Variants in ANK2 observed in about 807,000 individuals in gnomAD.
ANK2 encodes the protein ankyrin 2.
In ANK2, 83 loss-of-function variants were observed where a neutral mutation model predicts 360.5. The ratio of observed to expected loss-of-function variants is 0.23; its 90% CI spans 0.19 to 0.28. The LOEUF (loss-of-function observed/expected upper bound fraction) is 0.28. ANK2 is among the 10% of genes least tolerant of loss of function. The pLI is 1.00. For missense variants in ANK2, 4,201 were observed against 4,795.7 expected (o/e 0.88, Z 3.66); for synonymous variants, 1,740 against 1,759.5 (o/e 0.99, Z 0.28).
chr4:113,357,367 G>A lies in ANK2; in HGVS notation c.8749G>A (p.Asp2917Asn). ...TCCCGTGTCTGACCTAGCTGAGAAT[G>A]ATGAAATCTATGATCCACAAATCAC... ...DVPVSDLAEN[D>N]EIYDPQITSP... Residue 2917 changes from aspartate to asparagine, a missense_variant, in exon 38 of 46, where the codon GAT becomes AAT. This residue lies in a region of ANK2 where 2,642 missense variants were observed against 2,714.5 expected (regional missense o/e 0.97). Transcript: ENST00000357077. The A allele has an allele frequency of 6.2e-7, 1 of 1,614,054 alleles. No individual in the cohort carries two copies. The highest frequency in any genetic ancestry group is 1.3e-5 in the African/African-American group (1 of 75,032).
At chr4:113,019,363 C>A (rs780937925) in intron 2 of ANK2, among the ~76,000 whole-genome samples, 2 of 152,132 alleles carry the variant, frequency 1.3e-5, no homozygotes, top group African/African-American at 2.4e-5. Context: ...CAAGTCAGTT[C>A]TTCTAAGCAA....
intron 2 of ANK2, among the ~76,000 whole-genome samples, chr4:112,938,687 A>G (rs573476661): frequency 1.1e-4 from 17 of 152,224 alleles, no homozygotes; most frequent in Admixed American, 2.6e-4. Flanking sequence ...TCTAGATAGC[A>G]GAGATAAGAA....
intron 1 of ANK2, among the ~76,000 whole-genome samples, chr4:113,076,835 G>GTATTAT (rs1388627318): frequency 6.6e-6 from 1 of 151,458 alleles, no homozygotes; most frequent in Non-Finnish European, 1.5e-5. Flanking sequence ...TAAGACAGCT[G>GTATTAT]TATTATACAA....
At chr4:113,351,566 C>A (rs981126745) in intron 37 of ANK2, among the ~76,000 whole-genome samples, 1 of 151,892 alleles carries the variant, frequency 6.6e-6, no homozygotes, top group Admixed American at 6.6e-5. Context: ...TATCACATTG[C>A]CCTCACTGAT....
chr4:113,367,431 G>T, intron 41 of ANK2, 135 bp from the exon 42 acceptor site: 1 of 805,588 alleles, frequency 1.2e-6, no homozygotes, highest in African/African-American at 1.7e-5. Context: ...CTTCATCTTT[G>T]TAATCCATGG....
At chr4:113,087,146 C>T (rs1372422830) in intron 1 of ANK2, among the ~76,000 whole-genome samples, 1 of 152,166 alleles carries the variant, frequency 6.6e-6, no homozygotes, top group Non-Finnish European at 1.5e-5. Context: ...TAACTAACTG[C>T]ATCAGTGAGA....
intron 4 of ANK2, among the ~76,000 whole-genome samples, chr4:113,202,948 T>C (rs987822995): frequency 4.6e-5 from 7 of 152,190 alleles, no homozygotes; most frequent in African/African-American, 1.7e-4. Context: ...CTGAGCCAGT[T>C]CTTGGTGTGA....
At chr4:112,811,537 A>G in the ANK2 span, among the ~76,000 whole-genome samples, 2,679 of 152,248 alleles carry the variant, frequency 0.018, 92 homozygotes, top group African/African-American at 0.059. Flanking sequence ...AGATCTCTCT[A>G]TTATAAAGTT....
In ANK2 at chr4:113,377,838, T is replaced by C. The variant is rs543397731; in HGVS notation, c.11860-3619T>C. ...GCAGTTGGGTGAAGCAAGGAGGAAATTGAAAGTCAATCCATATGGATGTTG... is the reference window on the plus strand; with the variant it reads ...GCAGTTGGGTGAAGCAAGGAGGAAACTGAAAGTCAATCCATATGGATGTTG... On this transcript the variant is annotated intron_variant, in intron 45 of 45. Transcript: ENST00000357077. Among the ~76,000 whole-genome samples the C allele has an allele frequency of 2.0e-5, 3 of 152,268 alleles. No homozygotes were observed. The South Asian group carries it at 6.2e-4, about 32-fold the overall frequency.
chr4:113,168,591 G>A (rs1052713637), intron 1 of ANK2, among the ~76,000 whole-genome samples: 2 of 152,146 alleles, frequency 1.3e-5, no homozygotes, highest in African/African-American at 4.8e-5. Flanking sequence ...TTGAGCCAGA[G>A]TGTACAAATT....
intron 2 of ANK2, among the ~76,000 whole-genome samples, chr4:112,938,645 C>T (rs1324013973): frequency 1.3e-5 from 2 of 152,106 alleles, no homozygotes; most frequent in Non-Finnish European, 2.9e-5. Flanking sequence ...TTTTATTCGG[C>T]TCAATCAGAC....
intron 1 of ANK2, among the ~76,000 whole-genome samples, chr4:113,141,661 T>TA (rs1283828904): frequency 2.0e-5 from 3 of 152,198 alleles, no homozygotes; most frequent in Admixed American, 6.5e-5. Context: ...TCTATCCCTT[T>TA]AGGTTAAATT....
intron 1 of ANK2, among the ~76,000 whole-genome samples, chr4:113,157,870 A>G (rs1286173427): frequency 6.6e-6 from 1 of 152,230 alleles, no homozygotes; most frequent in Admixed American, 6.5e-5. Context: ...ATTTAACCTT[A>G]TGAGACCTTG....
chr4:113,037,086 G>A (rs1310246747), intron 2 of ANK2, among the ~76,000 whole-genome samples: 2 of 151,842 alleles, frequency 1.3e-5, no homozygotes, highest in African/African-American at 4.8e-5. Context: ...TTCTGACCTG[G>A]GAGTCTCATA....
chr4:112,860,225 A>T (rs76530436), intron 1 of ANK2, among the ~76,000 whole-genome samples: 5 of 152,108 alleles, frequency 3.3e-5, no homozygotes, highest in African/African-American at 1.2e-4. Flanking sequence ...TTTAAAAAAA[A>T]TTCTTTTTTT....
chr4:112,848,477 A>G (rs2063856296), intron 1 of ANK2, among the ~76,000 whole-genome samples: 1 of 152,172 alleles, frequency 6.6e-6, no homozygotes, highest in South Asian at 2.1e-4. Flanking sequence ...AATGGATTTA[A>G]AAAGAGAATT....
intron 34 of ANK2, among the ~76,000 whole-genome samples, chr4:113,344,106 C>T (rs1410820619): frequency 6.6e-6 from 1 of 152,146 alleles, no homozygotes; most frequent in Non-Finnish European, 1.5e-5. Flanking sequence ...TACAGATCAC[C>T]ACATTAAGCA....
intron 1 of ANK2, among the ~76,000 whole-genome samples, chr4:113,116,171 C>T (rs1295866010): frequency 6.6e-6 from 1 of 152,178 alleles, no homozygotes; most frequent in Non-Finnish European, 1.5e-5. Context: ...TTCAGAAATA[C>T]TAATCCTGCT....
chr4:113,243,674 C>T (rs899118226), intron 9 of ANK2, among the ~76,000 whole-genome samples: 1 of 152,116 alleles, frequency 6.6e-6, no homozygotes, highest in African/African-American at 2.4e-5. Context: ...GAACAGTATG[C>T]GTTATGTTGC....
Sources: allele counts gnomAD v4.1 joint callset (sites outside exome capture counted in the v4.1 genomes callset), GRCh38; gene constraint gnomAD v4.1.1; regional missense constraint gnomAD v4.1.1; transcripts MANE v1.5; gene names NCBI Gene and HGNC (gene_info 2026-07-23, HGNC 2026-07-21).